ROBO1: variants seen among roughly 807,000 people sequenced by gnomAD.
ROBO1 encodes roundabout homolog 1.
A neutral mutation model predicts 195.9 loss-of-function variants in ROBO1; 149 were observed. That is an observed-to-expected ratio of 0.76 (90% CI 0.67 to 0.87). The LOEUF is 0.87. Among genes scored for constraint, ROBO1 ranks in the 40% least tolerant of loss-of-function variants. The probability of loss-of-function intolerance (pLI) is 0.00; values close to 1 mark genes in which losing one functional copy is unlikely to be tolerated. For missense variants in ROBO1, 1,933 were observed against 2,068.3 expected (o/e 0.93, Z 1.27); for synonymous variants, 816 against 733.2 (o/e 1.11, Z -1.82).
intron 4 of ROBO1, among the ~76,000 whole-genome samples, chr3:78,848,087 A>G (rs2033788738): frequency 6.6e-6 from 1 of 152,200 alleles, no homozygotes; most frequent in African/African-American, 2.4e-5. Flanking sequence ...AACAAACTGC[A>G]GTAACACTGA....
At position 79,395,340 on chromosome 3, in the gene ROBO1, A is replaced by AAAAAAG. The variant is rs71631648; in HGVS notation, c.88+194483_88+194484insCTTTTT. Among the ~76,000 whole-genome samples, 245 of 119,014 alleles carry AAAAAAG rather than the reference A, an allele frequency of 2.1e-3. 1 individual carries two copies. The highest frequency in any genetic ancestry group is 4.4e-3 in the African/African-American group (143 of 32,330). The allele number at this position is 119,014 out of a possible 152,430, so 78.1% of individuals were successfully genotyped here. A position where few individuals can be genotyped will look rare whatever the true frequency, so the allele number is the denominator to read the frequency against. On this transcript the variant is annotated intron_variant, in intron 2 of 30. Transcript: ENST00000464233. Reference sequence around the variant, plus strand: ...CCGTCTCAAAAAAAAAAAAAAAAAAAAAAGAAAGAAAGAAAGAAAGAAAGA... The same window carrying AAAAAAG: ...CCGTCTCAAAAAAAAAAAAAAAAAAAAAAAAGAAAGAAAGAAAGAAAGAAAGAAAGA...
chr3:78,949,676 T>G (rs1481683895), intron 3 of ROBO1, among the ~76,000 whole-genome samples: 7 of 151,918 alleles, frequency 4.6e-5, no homozygotes, highest in Non-Finnish European at 1.0e-4. Context: ...CTAATTAAAC[T>G]AAAGAGCTTC....
intron 2 of ROBO1, among the ~76,000 whole-genome samples, chr3:79,177,564 A>G (rs2081278944): frequency 6.6e-6 from 1 of 152,222 alleles, no homozygotes; most frequent in African/African-American, 2.4e-5. Flanking sequence ...ATTTCCTCTC[A>G]TGGACTGAAG....
intron 2 of ROBO1, among the ~76,000 whole-genome samples, chr3:79,304,038 A>T (rs1358429375): frequency 1.3e-5 from 2 of 152,252 alleles, no homozygotes; most frequent in East Asian, 3.8e-4. Flanking sequence ...TTCATTTTTT[A>T]AAAATGTCCC....
intron 2 of ROBO1, among the ~76,000 whole-genome samples, chr3:79,587,890 C>CTGCAGG (rs975573190): frequency 2.2e-4 from 33 of 151,762 alleles, no homozygotes; most frequent in African/African-American, 8.0e-4. Flanking sequence ...GACTTCCACT[C>CTGCAGG]TGCAGGTGTT....
intron 4 of ROBO1, among the ~76,000 whole-genome samples, chr3:78,868,222 A>T (rs924780922): frequency 6.6e-6 from 1 of 152,156 alleles, no homozygotes; most frequent in Non-Finnish European, 1.5e-5. Context: ...TATTTCAGTA[A>T]TGTACTGAAA....
intron 1 of ROBO1, among the ~76,000 whole-genome samples, chr3:79,751,350 C>A (rs1465268220): frequency 6.6e-6 from 1 of 151,928 alleles, no homozygotes; most frequent in Non-Finnish European, 1.5e-5. Flanking sequence ...TTATTAATTG[C>A]AAAAATGTCT....
At position 79,240,304 on chromosome 3, in the gene ROBO1, A is replaced by T. The variant is rs188507078; in HGVS notation, c.89-114765T>A. ...ACCTACGTTGTTGCAAATGACTAGG[A>T]TTTCCTTCTTTTTAAAAATTGAATA... On this transcript the variant is annotated intron_variant, in intron 2 of 30. Coordinates refer to ENST00000464233, the MANE Select transcript of ROBO1 (RefSeq NM_002941.4). Among the ~76,000 whole-genome samples the T allele has an allele frequency of 1.8e-4, 27 of 152,304 alleles. No homozygotes were observed. The East Asian group carries it at 5.2e-3, about 29-fold the overall frequency.
At chr3:79,112,573 TTA>T (rs2079906753) in intron 3 of ROBO1, among the ~76,000 whole-genome samples, 1 of 152,140 alleles carries the variant, frequency 6.6e-6, no homozygotes, top group Non-Finnish European at 1.5e-5. Flanking sequence ...TACCTGTGAT[TTA>T]CCAAGGTCCA....
intron 3 of ROBO1, among the ~76,000 whole-genome samples, chr3:78,984,801 G>A (rs1411795799): frequency 1.3e-5 from 2 of 152,180 alleles, no homozygotes; most frequent in African/African-American, 4.8e-5. Flanking sequence ...TATTTAAAAG[G>A]TGTGAATGTT....
chr3:79,315,490 G>A (rs778919364), intron 2 of ROBO1, among the ~76,000 whole-genome samples: 1 of 152,128 alleles, frequency 6.6e-6, no homozygotes, highest in African/African-American at 2.4e-5. Flanking sequence ...AGGTTAAGCA[G>A]ACATAACTTA....
At chr3:79,445,418 C>A (rs532755318) in intron 2 of ROBO1, among the ~76,000 whole-genome samples, 5 of 149,694 alleles carry the variant, frequency 3.3e-5, no homozygotes, top group Admixed American at 1.3e-4. Context: ...GAACTATATA[C>A]GTAGTAATGT....
intron 1 of ROBO1, among the ~76,000 whole-genome samples, chr3:79,661,948 T>G (rs1946341841): frequency 6.6e-6 from 1 of 152,084 alleles, no homozygotes; most frequent in South Asian, 2.1e-4. Context: ...TTTCTTTGAA[T>G]GCCTAAGTGT....
chr3:79,455,671 G>A (rs2039596295), intron 2 of ROBO1, among the ~76,000 whole-genome samples: 1 of 152,016 alleles, frequency 6.6e-6, no homozygotes. Flanking sequence ...AACCTCCAAA[G>A]TCTGTGCCTA....
At chr3:78,989,145 T>A (rs2077178091) in intron 3 of ROBO1, among the ~76,000 whole-genome samples, 1 of 152,096 alleles carries the variant, frequency 6.6e-6, no homozygotes, top group Non-Finnish European at 1.5e-5. Context: ...TAGCTAATGA[T>A]AATATAGTTT....
chr3:79,562,879 A>G (rs900683867), intron 2 of ROBO1, among the ~76,000 whole-genome samples: 1 of 152,058 alleles, frequency 6.6e-6, no homozygotes. Context: ...ACCTCAGATA[A>G]TTTATTTTTG....
At chr3:79,682,078 G>T (rs547534425) in intron 1 of ROBO1, among the ~76,000 whole-genome samples, 9 of 151,992 alleles carry the variant, frequency 5.9e-5, no homozygotes, top group African/African-American at 2.2e-4. Context: ...CTCAGGCATT[G>T]AATATTTTGT....
intron 2 of ROBO1, among the ~76,000 whole-genome samples, chr3:79,572,637 A>G (rs1218538564): frequency 6.6e-6 from 1 of 152,164 alleles, no homozygotes; most frequent in Non-Finnish European, 1.5e-5. Context: ...CTATTTTATG[A>G]CATATGTAGA....
chr3:79,062,483 T>G (rs904697091), intron 3 of ROBO1, among the ~76,000 whole-genome samples: 1 of 151,976 alleles, frequency 6.6e-6, no homozygotes, highest in Non-Finnish European at 1.5e-5. Context: ...TTTGACCCAG[T>G]GATCCCATTA....
Sources: allele counts gnomAD v4.1 joint callset (sites outside exome capture counted in the v4.1 genomes callset), GRCh38; gene constraint gnomAD v4.1.1; transcripts MANE v1.5; gene names NCBI Gene and HGNC (gene_info 2026-07-23, HGNC 2026-07-21).